The following ORC5 variants were observed in gnomAD, a reference collection of about 807,000 sequenced individuals.
The protein encoded by ORC5 is origin recognition complex subunit 5.
A neutral mutation model predicts 58.8 loss-of-function variants in ORC5; 39 were observed. The observed-to-expected ratio is 0.66, with a 90% CI of 0.51 to 0.87. The LOEUF (loss-of-function observed/expected upper bound fraction) is 0.87, where lower values mean the gene tolerates loss of function less well. Among genes scored for constraint, ORC5 ranks in the 40% least tolerant of loss-of-function variants. ORC5 has a pLI of 0.00. For synonymous variants in ORC5, 218 were observed against 177.6 expected (o/e 1.23, Z -1.81); for missense variants, 493 against 506.3 (o/e 0.97, Z 0.25).
Position 104,200,712 on chromosome 7 carries a change from T to C in ORC5, c.366+46A>G, listed in dbSNP as rs1428220490. 4 of 1,160,068 alleles carry C rather than the reference T, an allele frequency of 3.4e-6. No individual in the cohort carries two copies. In the South Asian group the frequency reaches 4.0e-5, roughly 12 times the overall value. The allele number at this position is 1,160,068 out of a possible 1,614,324, so 71.9% of individuals were successfully genotyped here. A position where few individuals can be genotyped will look rare whatever the true frequency, so the allele number is the denominator to read the frequency against. ...ATATGAAAATTGATCTAATAAATTA[T>C]CAGTTTTCAAGATAAGAGATGATCT... On this transcript the variant is annotated intron_variant, in intron 3 of 13. Coordinates refer to ENST00000297431, the MANE Select transcript of ORC5 (RefSeq NM_002553.4).
intron 8 of ORC5, among the ~76,000 whole-genome samples, chr7:104,171,218 G>A (rs1390962804): frequency 6.6e-6 from 1 of 152,100 alleles, no homozygotes; most frequent in Non-Finnish European, 1.5e-5. Flanking sequence ...GCTTTGTTTT[G>A]GGTGTTAAGG....
chr7:104,147,055 G>T (rs1162848088), intron 12 of ORC5, among the ~76,000 whole-genome samples: 3 of 152,108 alleles, frequency 2.0e-5, no homozygotes, highest in East Asian at 1.9e-4. Context: ...GAAATACCTT[G>T]TAAACTGTCA....
chr7:104,194,706 A>G (rs548480070), intron 5 of ORC5, among the ~76,000 whole-genome samples: 1 of 152,260 alleles, frequency 6.6e-6, no homozygotes, highest in East Asian at 1.9e-4. Context: ...AATATGCTTT[A>G]CAAGTCTAGT....
intron 8 of ORC5, among the ~76,000 whole-genome samples, chr7:104,172,673 C>T (rs902384491): frequency 2.6e-5 from 4 of 152,050 alleles, no homozygotes; most frequent in African/African-American, 9.7e-5. Context: ...CAATAATTTT[C>T]AGATACATTA....
At chr7:104,174,491 T>C (rs941656168) in intron 8 of ORC5, among the ~76,000 whole-genome samples, 1 of 152,230 alleles carries the variant, frequency 6.6e-6, no homozygotes, top group Non-Finnish European at 1.5e-5. Context: ...TTCTTGGGCA[T>C]ATTTTTTAAC....
intron 12 of ORC5, among the ~76,000 whole-genome samples, chr7:104,142,686 AAACG>A (rs1798691922): frequency 6.6e-6 from 1 of 152,216 alleles, no homozygotes; most frequent in Admixed American, 6.5e-5. Flanking sequence ...AATTCTAATA[AAACG>A]AACAATGATG....
chr7:104,132,877 G>A (rs918440260), intron 13 of ORC5, among the ~76,000 whole-genome samples: 6 of 152,108 alleles, frequency 3.9e-5, no homozygotes, highest in South Asian at 4.1e-4. Flanking sequence ...GTGAGAAGGC[G>A]TCTTTAAGGA....
chr7:104,134,579 C>A (rs538544494), intron 13 of ORC5, among the ~76,000 whole-genome samples: 9 of 152,062 alleles, frequency 5.9e-5, no homozygotes, highest in African/African-American at 1.7e-4. Flanking sequence ...AGGAAGTCCA[C>A]ATTTTTATAA....
intron 5 of ORC5, among the ~76,000 whole-genome samples, chr7:104,190,144 C>CTTTTTTTT (rs1799641600): frequency 1.3e-5 from 2 of 151,628 alleles, no homozygotes; most frequent in African/African-American, 4.8e-5. Context: ...AATTTTGAAA[C>CTTTTTTTT]TGAGGGTAAA....
intron 12 of ORC5, among the ~76,000 whole-genome samples, chr7:104,141,762 T>C (rs559344882): frequency 6.6e-6 from 1 of 152,118 alleles, no homozygotes; most frequent in Non-Finnish European, 1.5e-5. Context: ...ATAAATTTAA[T>C]CAAGAAGGTG....
chr7:104,192,187 C>T (rs2283035), intron 5 of ORC5, among the ~76,000 whole-genome samples: 64,566 of 151,866 alleles, frequency 0.43, 16,067 homozygotes, highest in Non-Finnish European at 0.57. Context: ...ATTTGCAGGG[C>T]AGAGTACCTG....
Position 104,162,249 on chromosome 7 carries a change from T to C in ORC5, c.1039-1067A>G, listed in dbSNP as rs545236175. 1.6e-4 allele frequency among the ~76,000 whole-genome samples: 25 copies of C among 152,332 alleles called. No homozygotes were observed. The South Asian group carries it at 5.0e-3, about 30-fold the overall frequency. ...GTACAGTGACACGATCTTGGCTCAC[T>C]GCAAACTCCACCTCCCAGGTTCAAG... On this transcript the variant is annotated intron_variant, in intron 11 of 13. Transcript: ENST00000297431.
At chr7:104,173,933 C>T (rs540714092) in intron 8 of ORC5, among the ~76,000 whole-genome samples, 62 of 149,392 alleles carry the variant, frequency 4.2e-4, no homozygotes, top group African/African-American at 1.3e-3. Context: ...CAAGCTCCGC[C>T]TCCCGGGTTC....
rs774410611 is a variant in ORC5 at position 104,197,787 on chromosome 7, C to T, written c.379G>A (p.Ala127Thr). Reference sequence around the variant, plus strand: ...GCTTCCATATCTCTTAGATACTCTGCTTTATCTAGAACCTTTAAAAAACAA... The same window carrying T: ...GCTTCCATATCTCTTAGATACTCTGTTTTATCTAGAACCTTTAAAAAACAA... ...DQTVYIVLDKAEYLRDMEANL... is the reference protein window; with the variant it reads ...DQTVYIVLDKTEYLRDMEANL... Residue 127 changes from alanine (A) to threonine (T), a missense_variant, in exon 4 of 14, where the codon GCA (alanine) becomes ACA (threonine). By Grantham distance (58) the Ala-to-Thr change is moderately conservative. Around this residue, in one of 3 missense-constraint regions of ORC5, gnomAD observed 412 missense variants for 403.7 expected, o/e 1.02. Transcript: ENST00000297431. 1.0e-5 allele frequency: 16 copies of T among 1,580,754 alleles called. 1 individual carries two copies. In the Middle Eastern group the frequency reaches 1.0e-3, roughly 99 times the overall value.
chr7:104,197,586 G>C (rs1386528973), intron 4 of ORC5, 139 bp downstream of exon 4: 2 of 563,970 alleles, frequency 3.5e-6, no homozygotes, highest in Non-Finnish European at 6.2e-6. Context: ...AAAACACTGA[G>C]CTTTACTGAT....
chr7:104,196,653 C>T (rs1799807283), intron 4 of ORC5, among the ~76,000 whole-genome samples: 1 of 152,108 alleles, frequency 6.6e-6, no homozygotes, highest in African/African-American at 2.4e-5. Context: ...GGCAGAAATG[C>T]TTTAAGCACT....
At chr7:104,172,566 C>G (rs1319141442) in intron 8 of ORC5, among the ~76,000 whole-genome samples, 2 of 152,084 alleles carry the variant, frequency 1.3e-5, no homozygotes, top group Non-Finnish European at 2.9e-5. Context: ...AAAAAATTGA[C>G]TAGAAAGAAA....
At chr7:104,202,152 A>T (rs1329056350) in intron 2 of ORC5, among the ~76,000 whole-genome samples, 1 of 152,180 alleles carries the variant, frequency 6.6e-6, no homozygotes, top group Non-Finnish European at 1.5e-5. Flanking sequence ...TATCAACATG[A>T]GTTAACTCCA....
chr7:104,187,002 C>T (rs1799558675), intron 6 of ORC5, among the ~76,000 whole-genome samples: 1 of 152,104 alleles, frequency 6.6e-6, no homozygotes, highest in African/African-American at 2.4e-5. Flanking sequence ...TAAATATTTT[C>T]CCTAAATTTT....
Sources: allele counts gnomAD v4.1 joint callset (sites outside exome capture counted in the v4.1 genomes callset), GRCh38; gene constraint gnomAD v4.1.1; regional missense constraint gnomAD v4.1.1; transcripts MANE v1.5; gene names NCBI Gene and HGNC (gene_info 2026-07-23, HGNC 2026-07-21).